Variants in DHRS7B observed in about 807,000 individuals in gnomAD.
DHRS7B encodes the protein dehydrogenase/reductase 7B.
In DHRS7B, 24 loss-of-function variants were observed where a neutral mutation model predicts 26.4. The ratio of observed to expected loss-of-function variants is 0.91; its 90% confidence interval spans 0.66 to 1.28. The LOEUF is 1.28. Among genes scored for constraint, DHRS7B ranks in the 50% most tolerant of loss-of-function variants. The pLI is 0.00. For synonymous variants in DHRS7B, 142 were observed against 166.4 expected, an observed-to-expected ratio of 0.85 and a Z score of 1.13; for missense variants, 368 against 419.4, an observed-to-expected ratio of 0.88 and a Z score of 1.07.
intron 1 of DHRS7B, among the ~76,000 whole-genome samples, chr17:21,135,379 A>T (rs1973319423): frequency 6.6e-6 from 1 of 152,218 alleles, no homozygotes. Context: ...TTAAAGGATT[A>T]ATTAGGTCAG....
intron 1 of DHRS7B, chr17:21,166,054 C>G (rs140334204): frequency 2.3e-4 from 155 of 662,612 alleles, no homozygotes; most frequent in Non-Finnish European, 2.7e-4. Flanking sequence ...GGCTCTGCCT[C>G]CTGTTCATTG....
intron 6 of DHRS7B, among the ~76,000 whole-genome samples, chr17:21,190,325 G>A (rs2144264550): frequency 6.6e-6 from 1 of 152,262 alleles, no homozygotes; most frequent in Middle Eastern, 3.4e-3. Flanking sequence ...TCTCCCAGCT[G>A]TTCCTTCTAA....
At chr17:21,153,672 G>A (rs1279960999) in intron 1 of DHRS7B, among the ~76,000 whole-genome samples, 1 of 152,130 alleles carries the variant, frequency 6.6e-6, no homozygotes, top group Non-Finnish European at 1.5e-5. Context: ...GTCTGGTGAG[G>A]GCCTGTTCCT....
chr17:21,169,779 G>A (rs961313152), intron 1 of DHRS7B, among the ~76,000 whole-genome samples: 3 of 152,108 alleles, frequency 2.0e-5, no homozygotes, highest in Admixed American at 6.5e-5. Context: ...AGGAGTGTTC[G>A]GAGGGGTTTC....
chr17:21,140,477 AAT>A (rs1259981661), intron 1 of DHRS7B, among the ~76,000 whole-genome samples: 1 of 50,734 alleles, frequency 2.0e-5, no homozygotes, highest in South Asian at 5.8e-4. Context: ...AGGCCTTTTA[AAT>A]ACACACACAC....
intron 1 of DHRS7B, among the ~76,000 whole-genome samples, chr17:21,153,876 T>C (rs1047436781): frequency 1.3e-5 from 2 of 151,748 alleles, no homozygotes; most frequent in Non-Finnish European, 2.9e-5. Flanking sequence ...ACAAAAACAT[T>C]CAAACCATAG....
intron 2 of DHRS7B, chr17:21,172,446 TG>T (rs1396235153): frequency 1.9e-4 from 1 of 5,320 alleles, no homozygotes; most frequent in African/African-American, 9.3e-4. Flanking sequence ...GGGGGTGGGG[TG>T]GGGTGGGGTG....
In DHRS7B at chr17:21,178,695, G is replaced by A. The variant is rs911873991; in HGVS notation, c.309+353G>A. 2.8e-5 allele frequency among the ~76,000 whole-genome samples: 4 copies of A among 144,678 alleles called. No homozygotes were observed. The East Asian group carries it at 6.0e-4, about 22-fold the overall frequency. 94.9% of individuals were successfully genotyped at this position (144,678 alleles called of 152,430 possible). A position where few individuals can be genotyped will look rare whatever the true frequency, so the allele number is the denominator to read the frequency against. The stretch of plus-strand genomic sequence containing the variant: ...TTTTTGGGACACGGAGTCTCGCTCT[G>A]TCACCCAGGCTGGAGTGCAATGGCC... On this transcript the variant is annotated intron_variant, in intron 3 of 6. Coordinates refer to ENST00000395511, the MANE Select transcript of DHRS7B (RefSeq NM_015510.5).
chr17:21,142,016 T>A (rs1403649381), intron 1 of DHRS7B, among the ~76,000 whole-genome samples: 1 of 152,144 alleles, frequency 6.6e-6, no homozygotes, highest in Non-Finnish European at 1.5e-5. Context: ...TTGCCAAGGT[T>A]GAGGTGTAGC....
chr17:21,132,958 G>C (rs1353451968), intron 1 of DHRS7B, among the ~76,000 whole-genome samples: 2 of 152,084 alleles, frequency 1.3e-5, no homozygotes, highest in Admixed American at 1.3e-4. Flanking sequence ...TTCAGAGTCT[G>C]AGTACGTTGG....
intron 1 of DHRS7B, among the ~76,000 whole-genome samples, chr17:21,165,223 A>G (rs1466707035): frequency 6.6e-6 from 1 of 151,776 alleles, no homozygotes; most frequent in Non-Finnish European, 1.5e-5. Flanking sequence ...CTTCACCACC[A>G]CAGTCAGTGC....
chr17:21,159,948 T>A (rs189826950), intron 1 of DHRS7B, among the ~76,000 whole-genome samples: 1 of 150,046 alleles, frequency 6.7e-6, no homozygotes, highest in Admixed American at 6.6e-5. Flanking sequence ...GGGCCAGGCA[T>A]GGTAGTTCAT....
At chr17:21,168,819 C>T (rs1320998962) in intron 1 of DHRS7B, 8 of 985,344 alleles carry the variant, frequency 8.1e-6, no homozygotes, top group Non-Finnish European at 9.6e-6. Flanking sequence ...AAAGTGGTCT[C>T]CAGGGCCAGG....
At chr17:21,175,691 A>G (rs1207976767) in intron 2 of DHRS7B, among the ~76,000 whole-genome samples, 1 of 152,108 alleles carries the variant, frequency 6.6e-6, no homozygotes, top group African/African-American at 2.4e-5. Context: ...TAATCCCAGC[A>G]CTTTTGGAGG....
chr17:21,133,881 CATT>C, intron 1 of DHRS7B, among the ~76,000 whole-genome samples: 1 of 152,284 alleles, frequency 6.6e-6, no homozygotes, highest in East Asian at 1.9e-4. Flanking sequence ...GAAGTCCACA[CATT>C]AGTAGGCAGG....
intron 1 of DHRS7B, among the ~76,000 whole-genome samples, chr17:21,138,207 CCTT>C (rs1454822194): frequency 2.6e-5 from 3 of 117,588 alleles, no homozygotes; most frequent in East Asian, 4.7e-4. Context: ...ATCCATCCCT[CCTT>C]CTTTTTTTTT....
chr17:21,139,868 C>CTT (rs376053504), intron 1 of DHRS7B, among the ~76,000 whole-genome samples: 2 of 151,738 alleles, frequency 1.3e-5, no homozygotes, highest in African/African-American at 4.8e-5. Flanking sequence ...GATTTAAGTG[C>CTT]TTTTTTAAAG....
intron 1 of DHRS7B, among the ~76,000 whole-genome samples, chr17:21,163,080 C>T (rs901127536): frequency 2.6e-5 from 4 of 151,742 alleles, no homozygotes; most frequent in African/African-American, 9.7e-5. Context: ...CTTGTAATCC[C>T]AGCTACTCAG....
chr17:21,171,822 G>A, intron 1 of DHRS7B, 196 bp from the exon 2 acceptor site: 1 of 724,904 alleles, frequency 1.4e-6, no homozygotes, highest in Non-Finnish European at 2.5e-6. Context: ...GCTCATGTCA[G>A]TACTGAGAGG....
Sources: gnomAD v4.1 joint callset for allele counts (sites outside exome capture counted in the v4.1 genomes callset) on GRCh38, gnomAD v4.1.1 for gene constraint, MANE v1.5 for transcripts, NCBI Gene and HGNC (gene_info 2026-07-23, HGNC 2026-07-21) for gene names.